Variants in TMX2 observed in about 807,000 individuals in gnomAD.
The protein encoded by TMX2 is thioredoxin-related transmembrane protein 2.
A neutral mutation model predicts 33.4 loss-of-function variants in TMX2; 20 were observed. The ratio of observed to expected loss-of-function variants is 0.60; its 90% CI spans 0.42 to 0.87. The LOEUF (loss-of-function observed/expected upper bound fraction) is 0.87. Among genes scored for constraint, TMX2 ranks in the 40% least tolerant of loss-of-function variants. TMX2 has a pLI of 0.00. For missense variants in TMX2, 340 were observed against 370.7 expected (o/e 0.92, Z 0.68); for synonymous variants, 166 against 140.7 (o/e 1.18, Z -1.27).
intron 3 of TMX2, 34 bp from the exon 4 acceptor site, chr11:57,738,320 T>C: frequency 6.6e-7 from 1 of 1,510,066 alleles, no homozygotes; most frequent in Non-Finnish European, 9.2e-7. Flanking sequence ...TAAGGCTTTT[T>C]ATGTTTCCTT....
At chr11:57,730,472 C>T (rs1948302381) in intron 1 of TMX2, among the ~76,000 whole-genome samples, 3 of 123,938 alleles carry the variant, frequency 2.4e-5, no homozygotes, top group South Asian at 5.7e-4. Context: ...CATGGTGGCT[C>T]ATGCCTGTAA....
chr11:57,737,855 A>G (rs192838132), intron 2 of TMX2, 58 bp from the exon 3 acceptor site: 2 of 1,614,044 alleles, frequency 1.2e-6, no homozygotes, highest in Admixed American at 1.7e-5. Context: ...AAGAGGGACA[A>G]AGAATGGGAT....
chr11:57,735,855 A>C (rs1451474480), intron 1 of TMX2, among the ~76,000 whole-genome samples: 1 of 152,222 alleles, frequency 6.6e-6, no homozygotes, highest in Non-Finnish European at 1.5e-5. Flanking sequence ...CATTCTCCTT[A>C]GCCTGGCCAG....
chr11:57,737,873 T>C, intron 2 of TMX2, 40 bp from the exon 3 acceptor site: 1 of 1,614,112 alleles, frequency 6.2e-7, no homozygotes, highest in Non-Finnish European at 8.5e-7. Context: ...GATATAGGAG[T>C]GCACAGCCCA....
At chr11:57,732,606 T>C (rs1948467132) in intron 1 of TMX2, among the ~76,000 whole-genome samples, 1 of 152,218 alleles carries the variant, frequency 6.6e-6, no homozygotes, top group Admixed American at 6.5e-5. Flanking sequence ...ATAGAATTTT[T>C]AAAAAATGCT....
At chr11:57,720,953 G>A (rs980222022) in intron 1 of TMX2, among the ~76,000 whole-genome samples, 13 of 150,710 alleles carry the variant, frequency 8.6e-5, no homozygotes, top group African/African-American at 2.9e-4. Context: ...TGCCAAGGGA[G>A]TTTCTAAGGC....
In TMX2 at chr11:57,737,652, G is replaced by A. The variant is rs775542534; in HGVS notation, c.234G>A (p.Met78Ile). The change falls in exon 2 of 8, where the codon ATG becomes ATA. Residue 78 changes from methionine (M) to isoleucine (I), a missense_variant. Coordinates refer to ENST00000278422, the MANE Select transcript of TMX2 (RefSeq NM_015959.4). Reference protein sequence around the residue: ...ILMFLSAIVMMKNRRSITVEQ... With the variant: ...ILMFLSAIVMIKNRRSITVEQ... ...TGTTTCTCAGTGCCATTGTGATGATGAAGAACCGCAGATCCAGTAAGTTTA... is the reference window on the plus strand; with the variant it reads ...TGTTTCTCAGTGCCATTGTGATGATAAAGAACCGCAGATCCAGTAAGTTTA... The A allele has an allele frequency of 5.0e-6, 8 of 1,614,098 alleles. No homozygotes were observed. Among genetic ancestry groups the A allele is most frequent in the Non-Finnish European group, 5.1e-6 (6 of 1,179,932 alleles).
rs529380968 is a variant in TMX2, at chr11:57,726,274, G to A, written c.190-11334G>A. 1.7e-4 allele frequency among the ~76,000 whole-genome samples: 26 copies of A among 152,096 alleles called. No homozygotes were observed. In the South Asian group the frequency reaches 4.4e-3, roughly 25 times the overall value. ...CTAAAATACAAAAAATCAGCCAGGC[G>A]TGGTGGCATGCGCCTGTAGTCCCAG... On this transcript the variant is annotated intron_variant, in intron 1 of 7. Transcript: ENST00000278422.
intron 6 of TMX2, 29 bp from the exon 7 acceptor site, chr11:57,739,102 A>T (rs1328012654): frequency 1.2e-6 from 2 of 1,614,036 alleles, no homozygotes; most frequent in Non-Finnish European, 1.7e-6. Context: ...ACATACAGGG[A>T]CATTTAGAGA....
At position 57,737,909 on chromosome 11, in the gene TMX2, T is replaced by C. The variant is rs1345048700; in HGVS notation, c.251-4T>C. ...GCCTGACCTGTGACATCTCTGTGTT[T>C]CAGTCACTGTGGAGCAACATATAGG... On this transcript the variant is annotated splice_region_variant and splice_polypyrimidine_tract_variant and intron_variant, in intron 2 of 7. Transcript: ENST00000278422. 1 of 1,614,100 alleles carries C rather than the reference T, an allele frequency of 6.2e-7. No individual in the cohort carries two copies. The highest frequency in any genetic ancestry group is 1.3e-5 in the African/African-American group (1 of 74,942).
At chr11:57,717,082 C>T (rs1383945219) in intron 1 of TMX2, among the ~76,000 whole-genome samples, 4 of 147,594 alleles carry the variant, frequency 2.7e-5, no homozygotes, top group East Asian at 2.0e-4. Flanking sequence ...GGGGCAGAGG[C>T]GCTCCCCACA....
At chr11:57,729,953 C>A (rs1317474627) in intron 1 of TMX2, among the ~76,000 whole-genome samples, 1 of 150,798 alleles carries the variant, frequency 6.6e-6, no homozygotes, top group Non-Finnish European at 1.5e-5. Context: ...ACTAAAAATA[C>A]AAAAATTAGC....
intron 1 of TMX2, among the ~76,000 whole-genome samples, chr11:57,724,670 C>T (rs1012369266): frequency 8.0e-5 from 12 of 150,370 alleles, no homozygotes; most frequent in Non-Finnish European, 1.0e-4. Flanking sequence ...GTTAATAGAA[C>T]TGTAAAATGT....
intron 1 of TMX2, among the ~76,000 whole-genome samples, chr11:57,726,257 C>CA (rs1379312265): frequency 4.0e-5 from 6 of 151,756 alleles, no homozygotes; most frequent in Non-Finnish European, 8.8e-5. Flanking sequence ...TACTAAAATA[C>CA]AAAAAATCAG....
intron 1 of TMX2, among the ~76,000 whole-genome samples, chr11:57,726,286 G>T (rs921369458): frequency 6.6e-6 from 1 of 151,844 alleles, no homozygotes; most frequent in African/African-American, 2.4e-5. Flanking sequence ...GGTGGCATGC[G>T]CCTGTAGTCC....
At chr11:57,721,834 T>C (rs376587946) in intron 1 of TMX2, among the ~76,000 whole-genome samples, 1 of 152,156 alleles carries the variant, frequency 6.6e-6, no homozygotes, top group Non-Finnish European at 1.5e-5. Context: ...TTTCCTGTAG[T>C]ATCCCACCAA....
chr11:57,728,551 C>A (rs1488508627), intron 1 of TMX2, among the ~76,000 whole-genome samples: 1 of 152,140 alleles, frequency 6.6e-6, no homozygotes, highest in East Asian at 1.9e-4. Flanking sequence ...GACCTCCCTT[C>A]AAGGGCTGAT....
Position 57,739,152 on chromosome 11 carries a change from C to G in TMX2, c.636C>G (p.Pro212=). The G allele has an allele frequency of 1.9e-6, 3 of 1,614,124 alleles. No individual in the cohort carries two copies. The highest frequency in any genetic ancestry group is 2.5e-6 in the Non-Finnish European group (3 of 1,180,020). Residue 212 remains proline, a synonymous_variant, in exon 7 of 8, where the codon CCC becomes CCG. Transcript: ENST00000278422. The part of the protein sequence containing the change: ...VSTRYKVSTS[P]LTKQLPTLIL... Reference sequence around the variant, plus strand: ...GCAGGTACAAAGTGAGCACATCACCCCTCACCAAGCAACTCCCTACCCTGA... The same window carrying G: ...GCAGGTACAAAGTGAGCACATCACCGCTCACCAAGCAACTCCCTACCCTGA...
chr11:57,730,769 G>A (rs1019845673), intron 1 of TMX2, among the ~76,000 whole-genome samples: 1 of 152,102 alleles, frequency 6.6e-6, no homozygotes, highest in Admixed American at 6.6e-5. Context: ...ACCTTGTAGA[G>A]TGAATTTTTG....
Sources: allele counts gnomAD v4.1 joint callset (sites outside exome capture counted in the v4.1 genomes callset), GRCh38; gene constraint gnomAD v4.1.1; transcripts MANE v1.5; gene names NCBI Gene and HGNC (gene_info 2026-07-23, HGNC 2026-07-21).